RELN: variants seen among roughly 807,000 people sequenced by gnomAD.
RELN encodes reelin.
RELN carries 108 observed loss-of-function variants against 427.6 expected under a neutral mutation model. The observed-to-expected ratio is 0.25, with a 90% CI of 0.22 to 0.30. The LOEUF (loss-of-function observed/expected upper bound fraction) is 0.30. Ranked by LOEUF, RELN falls within the 10% of genes least tolerant of loss-of-function variation. The pLI, the probability that RELN is intolerant of heterozygous loss-of-function variation, is 1.00. For missense variants in RELN, 3,715 were observed against 4,302.8 expected, an observed-to-expected ratio of 0.86 and a Z score of 3.82; for synonymous variants, 1,524 against 1,513.4, an observed-to-expected ratio of 1.01 and a Z score of -0.16.
At chr7:103,978,623 A>C (rs772329362) in intron 1 of RELN, among the ~76,000 whole-genome samples, 11 of 152,142 alleles carry the variant, frequency 7.2e-5, no homozygotes, top group Admixed American at 2.0e-4. Flanking sequence ...ATCAATCATT[A>C]TTTTAATAAT....
intron 8 of RELN, among the ~76,000 whole-genome samples, chr7:103,708,041 A>C (rs1834244003): frequency 6.6e-6 from 1 of 152,196 alleles, no homozygotes. Flanking sequence ...TTTTATTGTA[A>C]ACTTGGTCTG....
At chr7:103,903,064 A>G (rs1584349964) in intron 2 of RELN, among the ~76,000 whole-genome samples, 1 of 152,068 alleles carries the variant, frequency 6.6e-6, no homozygotes, top group East Asian at 1.9e-4. Context: ...GGAAACCCCA[A>G]AAAAGGGCTG....
intron 6 of RELN, 85 bp from the exon 7 acceptor site, chr7:103,728,292 T>G: frequency 7.9e-7 from 1 of 1,270,122 alleles, no homozygotes; most frequent in Non-Finnish European, 1.1e-6. Context: ...ATATAATATT[T>G]ATTGTTACTC....
At chr7:103,639,548 C>T (rs879733375) in intron 17 of RELN, among the ~76,000 whole-genome samples, 54 of 151,644 alleles carry the variant, frequency 3.6e-4, no homozygotes, top group Admixed American at 7.2e-4. Context: ...TACAGATGCA[C>T]GCCACCACGC....
chr7:103,652,778 C>G lies in RELN; in HGVS notation c.1555-19G>C, dbSNP rs1832949422. The G allele has an allele frequency of 3.7e-6, 6 of 1,607,172 alleles. No individual in the cohort carries two copies. The highest frequency in any genetic ancestry group is 5.1e-6 in the Non-Finnish European group (6 of 1,174,470). ...ACGGAACCTTTCAAACAAAGGAGAC[C>G]AGAATCACTCAAAATCCTTTCTAGG... On this transcript the variant is annotated intron_variant, in intron 13 of 64. Transcript: ENST00000428762.
rs565915761 is a variant in RELN at position 103,700,537 on chromosome 7, G to T, written c.902+373C>A. 4.3e-4 allele frequency among the ~76,000 whole-genome samples: 65 copies of T among 152,238 alleles called. 1 individual carries two copies. Among genetic ancestry groups the T allele is most frequent in the Non-Finnish European group, 2.9e-5 (2 of 67,986 alleles). On this transcript the variant is annotated intron_variant, in intron 9 of 64. Coordinates refer to ENST00000428762, the MANE Select transcript of RELN (RefSeq NM_005045.4). ...CTCAATATCATCACAGACTGGAAGG[G>T]ATTTAAGTAGTCATCTGATGTATTT... is the stretch of plus-strand genomic sequence containing the variant.
At chr7:103,982,172 T>A (rs1231969604) in intron 1 of RELN, among the ~76,000 whole-genome samples, 1 of 151,832 alleles carries the variant, frequency 6.6e-6, no homozygotes, top group Non-Finnish European at 1.5e-5. Flanking sequence ...TCAATAATAA[T>A]AATAAAAAGA....
intron 38 of RELN, among the ~76,000 whole-genome samples, chr7:103,554,273 T>C (rs565317895): frequency 6.6e-6 from 1 of 151,880 alleles, no homozygotes; most frequent in Non-Finnish European, 1.5e-5. Context: ...CAGTACTTTG[T>C]ATATTGTCAG....
At chr7:103,770,376 G>A (rs546329773) in intron 4 of RELN, among the ~76,000 whole-genome samples, 10 of 152,240 alleles carry the variant, frequency 6.6e-5, no homozygotes, top group African/African-American at 2.2e-4. Flanking sequence ...GAGCCACCGC[G>A]CCCCGCCCAG....
chr7:103,505,703 G>A (rs374046726), intron 51 of RELN, among the ~76,000 whole-genome samples: 3 of 152,212 alleles, frequency 2.0e-5, no homozygotes, highest in African/African-American at 4.8e-5. Context: ...ACAACTCCTC[G>A]CCAGCAAGGG....
chr7:103,866,629 T>C (rs1005350768), intron 2 of RELN, among the ~76,000 whole-genome samples: 1 of 152,118 alleles, frequency 6.6e-6, no homozygotes, highest in Non-Finnish European at 1.5e-5. Context: ...AGAACACCTA[T>C]ATTTCTGATA....
At chr7:103,926,105 T>TTTTTTTC (rs1469458318) in intron 1 of RELN, among the ~76,000 whole-genome samples, 1 of 137,882 alleles carries the variant, frequency 7.3e-6, no homozygotes, top group African/African-American at 2.8e-5. Flanking sequence ...CCGCCTTTTT[T>TTTTTTTC]TTTTTTTTTT....
intron 41 of RELN, among the ~76,000 whole-genome samples, chr7:103,546,471 G>A (rs532739616): frequency 6.6e-6 from 1 of 152,292 alleles, no homozygotes; most frequent in South Asian, 2.1e-4. Context: ...TCTGTGTACA[G>A]GTAATTGCTT....
chr7:103,839,500 G>A (rs960058419), intron 2 of RELN, among the ~76,000 whole-genome samples: 7 of 152,072 alleles, frequency 4.6e-5, no homozygotes, highest in Non-Finnish European at 5.9e-5. Context: ...TAGGCTCTAC[G>A]GAGGTATATA....
rs377076173 is a variant in RELN at position 103,553,596 on chromosome 7, T to C, written c.5970-33A>G. ...ACAGGAAAACAACCAGGAATCCATT[T>C]AGGCAAAAGTTCATCATGATTTGTA... On this transcript the variant is annotated intron_variant, in intron 39 of 64. Transcript: ENST00000428762. The C allele has an allele frequency of 3.2e-5, 51 of 1,612,832 alleles. No homozygotes were observed. In the African/African-American group the frequency reaches 5.6e-4, roughly 18 times the overall value.
At chr7:103,918,242 C>G (rs28547224) in intron 1 of RELN, among the ~76,000 whole-genome samples, 9,899 of 152,144 alleles carry the variant, frequency 0.065, 1,049 homozygotes, top group African/African-American at 0.22. Context: ...GAACAAACCA[C>G]CTTCTCATCC....
At chr7:103,510,399 A>C (rs1385043869) in intron 51 of RELN, among the ~76,000 whole-genome samples, 2 of 152,192 alleles carry the variant, frequency 1.3e-5, no homozygotes, top group South Asian at 2.1e-4. Context: ...AGAAAACCAA[A>C]CACCACATGT....
intron 2 of RELN, among the ~76,000 whole-genome samples, chr7:103,896,933 T>C (rs561099606): frequency 6.6e-6 from 1 of 152,238 alleles, no homozygotes; most frequent in East Asian, 1.9e-4. Flanking sequence ...AGAGGTTTAA[T>C]GGACTTGCAC....
At chr7:103,579,211 C>T (rs1371272361) in intron 28 of RELN, among the ~76,000 whole-genome samples, 1 of 152,152 alleles carries the variant, frequency 6.6e-6, no homozygotes, top group East Asian at 1.9e-4. Flanking sequence ...AGAAGAGCAT[C>T]TGATAGAGGT....
Sources: gnomAD v4.1 joint callset for allele counts (sites outside exome capture counted in the v4.1 genomes callset) on GRCh38, gnomAD v4.1.1 for gene constraint, MANE v1.5 for transcripts, NCBI Gene and HGNC (gene_info 2026-07-23, HGNC 2026-07-21) for gene names.